TRAK1: variants seen among roughly 807,000 people sequenced by gnomAD.
TRAK1 encodes trafficking kinesin-binding protein 1.
A neutral mutation model predicts 92.1 loss-of-function variants in TRAK1; 33 were observed. That is an observed-to-expected ratio of 0.36 (90% CI 0.27 to 0.48). TRAK1 has a LOEUF of 0.48. TRAK1 is among the 20% of genes least tolerant of loss of function. The pLI is 0.99. For missense variants in TRAK1, 1,123 were observed against 1,257.9 expected, an observed-to-expected ratio of 0.89 and a Z score of 1.62; for synonymous variants, 521 against 517.3, an observed-to-expected ratio of 1.01 and a Z score of -0.10.
chr3:42,216,296 G>A (rs563452838), intron 14 of TRAK1, among the ~76,000 whole-genome samples: 4 of 152,292 alleles, frequency 2.6e-5, no homozygotes, highest in Admixed American at 1.3e-4. Context: ...AGTAGGGGCC[G>A]TGTCAGGGCT....
chr3:42,078,530 G>C (rs2148947259), intron 1 of TRAK1, among the ~76,000 whole-genome samples: 1 of 152,128 alleles, frequency 6.6e-6, no homozygotes, highest in East Asian at 1.9e-4. Flanking sequence ...GAGGCAGGCG[G>C]ATCATGAGGT....
intron 2 of TRAK1, among the ~76,000 whole-genome samples, chr3:42,133,304 C>T (rs1355178707): frequency 6.6e-6 from 1 of 152,164 alleles, no homozygotes; most frequent in East Asian, 1.9e-4. Context: ...TCCAGACCCT[C>T]GAATACACCA....
At chr3:42,099,970 CAGCA>C (rs1448910938) in intron 1 of TRAK1, among the ~76,000 whole-genome samples, 1 of 152,020 alleles carries the variant, frequency 6.6e-6, no homozygotes, top group Non-Finnish European at 1.5e-5. Context: ...GGTGAGGATG[CAGCA>C]CCATCTAGTG....
intron 1 of TRAK1, among the ~76,000 whole-genome samples, chr3:42,027,377 G>C (rs1307962851): frequency 6.6e-6 from 1 of 152,082 alleles, no homozygotes; most frequent in South Asian, 2.1e-4. Flanking sequence ...CAAAAAATTA[G>C]CCAGGTGTGG....
chr3:42,089,278 A>G (rs1704852306), upstream of TRAK1, among the ~76,000 whole-genome samples: 2 of 152,134 alleles, frequency 1.3e-5, no homozygotes, highest in South Asian at 4.1e-4. Flanking sequence ...CCCAGCATTT[A>G]CTGTGTCCCA....
At chr3:42,135,942 C>G (rs1227077467) in intron 2 of TRAK1, among the ~76,000 whole-genome samples, 2 of 152,204 alleles carry the variant, frequency 1.3e-5, no homozygotes, top group Non-Finnish European at 2.9e-5. Flanking sequence ...GTTCTTACCA[C>G]CTGCCCGACT....
chr3:42,041,596 C>G (rs1316015712), intron 1 of TRAK1, among the ~76,000 whole-genome samples: 1 of 124,606 alleles, frequency 8.0e-6, no homozygotes, highest in African/African-American at 4.7e-5. Context: ...ATATGAGGGC[C>G]CTTTTTTTTT....
upstream of TRAK1, among the ~76,000 whole-genome samples, chr3:42,086,417 T>C (rs1704680846): frequency 6.6e-6 from 1 of 151,470 alleles, no homozygotes; most frequent in South Asian, 2.1e-4. Context: ...GCAATTCTCC[T>C]GCCTCAACCT....
chr3:42,038,041 G>T (rs1051049420), intron 1 of TRAK1, among the ~76,000 whole-genome samples: 1 of 152,104 alleles, frequency 6.6e-6, no homozygotes, highest in East Asian at 1.9e-4. Context: ...TCATTCAAAG[G>T]GATGCTACCC....
upstream of TRAK1, among the ~76,000 whole-genome samples, chr3:42,088,197 G>A (rs1299104982): frequency 6.6e-6 from 1 of 152,210 alleles, no homozygotes; most frequent in Non-Finnish European, 1.5e-5. Flanking sequence ...ATATATGCAA[G>A]TTGGCTTCCA....
chr3:42,076,825 G>A (rs947424722), intron 1 of TRAK1, among the ~76,000 whole-genome samples: 2 of 152,116 alleles, frequency 1.3e-5, no homozygotes, highest in African/African-American at 4.8e-5. Context: ...GAAGGAAGGG[G>A]TCTAGTTCCA....
rs1448415618 is a variant in TRAK1, at chr3:42,189,134, C to G, written c.690+10C>G. The G allele has an allele frequency of 3.7e-6, 6 of 1,600,366 alleles. No individual in the cohort carries two copies. Among genetic ancestry groups the G allele is most frequent in the Non-Finnish European group, 5.1e-6 (6 of 1,167,540 alleles). On this transcript the variant is annotated intron_variant, in intron 6 of 15. Transcript: ENST00000327628. Reference sequence around the variant, plus strand: ...TGTACTTCGATCCGAGGTGATGTGCCCTCCCTTCTCTTGCCCCTGCTAGAA... The same window carrying G: ...TGTACTTCGATCCGAGGTGATGTGCGCTCCCTTCTCTTGCCCCTGCTAGAA...
rs79994254 is a variant in TRAK1, at chr3:42,190,276, G to A, written c.690+1152G>A. ...AGGTTGGAGCTGTGTGCCCACCTAG[G>A]CTGGCCCTGGGTTCTTGAGAGCCCC... On this transcript the variant is annotated intron_variant, in intron 6 of 15. Transcript: ENST00000327628. 7.2e-3 allele frequency among the ~76,000 whole-genome samples: 1,090 copies of A among 152,256 alleles called. 33 individuals are homozygous for A. In the East Asian group the frequency reaches 0.11, roughly 15 times the overall value.
intron 1 of TRAK1, among the ~76,000 whole-genome samples, chr3:42,110,491 G>A (rs1321648092): frequency 6.6e-6 from 1 of 152,146 alleles, no homozygotes; most frequent in East Asian, 1.9e-4. Context: ...GGTTCCTCCT[G>A]CCTTTGCAGC....
chr3:42,223,604 T>C lies in TRAK1; in HGVS notation c.2729T>C (p.Leu910Pro). Residue 910 changes from leucine (L) to proline (P), a missense_variant, in exon 16 of 16, where the codon CTC becomes CCC. Transcript: ENST00000327628. This position sits in a 1 kb window ranked among gnomAD's most constrained non-coding sequence, Gnocchi z 6.1. ...ACCAGTGCCATCGGTGGGCTGCAGC[T>C]CAATAGTGGCATCCGGCGGAATCGC... is the stretch of plus-strand genomic sequence containing the variant. ...TVTSAIGGLQLNSGIRRNRSF... is the reference protein window; with the variant it reads ...TVTSAIGGLQPNSGIRRNRSF... 1 of 1,613,818 alleles carries C rather than the reference T, an allele frequency of 6.2e-7. No homozygotes were observed.
chr3:42,136,045 G>A (rs188439744), intron 2 of TRAK1, among the ~76,000 whole-genome samples: 30 of 152,138 alleles, frequency 2.0e-4, no homozygotes, highest in Admixed American at 3.3e-4. Flanking sequence ...TAAATCCATC[G>A]ATGCTAAGTT....
At chr3:42,153,936 C>T (rs1044788745) in intron 2 of TRAK1, among the ~76,000 whole-genome samples, 9 of 152,232 alleles carry the variant, frequency 5.9e-5, no homozygotes, top group Non-Finnish European at 1.0e-4. Context: ...TTTCCACACA[C>T]AGCACTCTCC....
intron 3 of TRAK1, among the ~76,000 whole-genome samples, chr3:42,183,761 T>C (rs1704381876): frequency 6.6e-6 from 1 of 152,154 alleles, no homozygotes; most frequent in Non-Finnish European, 1.5e-5. Flanking sequence ...TAGCATAGAC[T>C]TCTAAAATGA....
chr3:42,154,197 G>A (rs1457255591), intron 2 of TRAK1, among the ~76,000 whole-genome samples: 3 of 151,934 alleles, frequency 2.0e-5, no homozygotes, highest in Non-Finnish European at 4.4e-5. Flanking sequence ...TTTTGAGATG[G>A]AGTCTTGCTG....
Sources: allele counts gnomAD v4.1 joint callset (sites outside exome capture counted in the v4.1 genomes callset), GRCh38; gene constraint gnomAD v4.1.1; non-coding constraint Gnocchi (gnomAD v3.1); transcripts MANE v1.5; gene names NCBI Gene and HGNC (gene_info 2026-07-23, HGNC 2026-07-21).